The following SHISA9 variants were observed in gnomAD, a reference collection of about 807,000 sequenced individuals.
SHISA9 encodes the protein protein shisa-9.
Under a neutral mutation model 38.0 loss-of-function variants are expected in SHISA9, and 13 were observed. The observed-to-expected ratio is 0.34, with a 90% confidence interval of 0.22 to 0.54. SHISA9 has a LOEUF of 0.54. SHISA9 is among the 20% of genes least tolerant of loss of function. The pLI is 0.91. For synonymous variants in SHISA9, 275 were observed against 242.0 expected (o/e 1.14, Z -1.27); for missense variants, 538 against 575.8 (o/e 0.93, Z 0.67).
chr16:13,515,236 C>T, the SHISA9 span, among the ~76,000 whole-genome samples: 3 of 151,962 alleles, frequency 2.0e-5, no homozygotes, highest in Non-Finnish European at 4.4e-5. Context: ...AAAGAACTTT[C>T]CAGACATACA....
the SHISA9 span, among the ~76,000 whole-genome samples, chr16:13,509,632 C>A: frequency 6.6e-6 from 1 of 152,132 alleles, no homozygotes. Flanking sequence ...GTATTTTCAC[C>A]AGGAAAAACT....
chr16:13,197,737 G>A (rs1434863312), intron 2 of SHISA9: 1 of 152,236 alleles, frequency 6.6e-6, no homozygotes, highest in Non-Finnish European at 1.5e-5. Flanking sequence ...CTTATAATGG[G>A]TGGAGGGGGG....
At chr16:13,536,638 G>A in the SHISA9 span, among the ~76,000 whole-genome samples, 1 of 152,196 alleles carries the variant, frequency 6.6e-6, no homozygotes, top group South Asian at 2.1e-4. Context: ...GCTGGAAGGG[G>A]AAGAAGGTGT....
chr16:13,556,324 C>T, the SHISA9 span, among the ~76,000 whole-genome samples: 10 of 152,242 alleles, frequency 6.6e-5, no homozygotes, highest in African/African-American at 2.4e-4. Context: ...TGCCAGGATT[C>T]GTTGGAATTT....
intron 2 of SHISA9, among the ~76,000 whole-genome samples, chr16:13,004,638 G>A (rs191625316): frequency 3.0e-4 from 45 of 152,124 alleles, no homozygotes; most frequent in Admixed American, 2.4e-3. Flanking sequence ...AAAAGAAACA[G>A]GGTCTGCTAG....
chr16:13,169,889 T>C (rs1360798233), intron 2 of SHISA9, among the ~76,000 whole-genome samples: 2 of 152,184 alleles, frequency 1.3e-5, no homozygotes, highest in Admixed American at 6.5e-5. Flanking sequence ...CTTACATGCG[T>C]ATTTAAAATA....
the SHISA9 span, among the ~76,000 whole-genome samples, chr16:13,532,399 T>C: frequency 2.0e-5 from 3 of 152,066 alleles, no homozygotes; most frequent in African/African-American, 7.2e-5. Context: ...AGCATGGTGT[T>C]GAGAGCCACA....
the SHISA9 span, among the ~76,000 whole-genome samples, chr16:13,286,272 C>T: frequency 6.6e-6 from 1 of 152,156 alleles, no homozygotes; most frequent in Non-Finnish European, 1.5e-5. Context: ...GCAGGACCCC[C>T]TGAGGCTGTG....
chr16:13,296,637 T>A, the SHISA9 span, among the ~76,000 whole-genome samples: 1 of 151,784 alleles, frequency 6.6e-6, no homozygotes, highest in Non-Finnish European at 1.5e-5. Context: ...CAATACTTGC[T>A]CATTGCACTT....
At chr16:13,261,987 C>G in the SHISA9 span, among the ~76,000 whole-genome samples, 1 of 152,264 alleles carries the variant, frequency 6.6e-6, no homozygotes, top group Non-Finnish European at 1.5e-5. Flanking sequence ...GTGCAGCCTT[C>G]ATATCAATAA....
In SHISA9 at chr16:13,238,031, G is replaced by C. The variant is rs2051402470; in HGVS notation, c.*2622G>C. Reference sequence around the variant, plus strand: ...AAATAGAAAGCAAACATAAAAATAAGTACAAAGGAAACAAGCAGCGATGAT... The same window carrying C: ...AAATAGAAAGCAAACATAAAAATAACTACAAAGGAAACAAGCAGCGATGAT... On this transcript the variant is annotated 3_prime_UTR_variant, in exon 5 of 5. Transcript: ENST00000558583. The C allele has an allele frequency of 6.6e-6, 1 of 152,094 alleles. No homozygotes were observed. The highest frequency in any genetic ancestry group is 1.5e-5 in the Non-Finnish European group (1 of 68,010). The allele number at this position is 152,094 out of a possible 1,614,324, so 9.4% of individuals were successfully genotyped here.
the SHISA9 span, among the ~76,000 whole-genome samples, chr16:13,377,365 A>G: frequency 1.3e-5 from 2 of 152,156 alleles, no homozygotes; most frequent in Non-Finnish European, 2.9e-5. Context: ...CTTTTTTATC[A>G]TGTTTCCAGA....
At chr16:13,419,597 C>G in the SHISA9 span, among the ~76,000 whole-genome samples, 1 of 152,162 alleles carries the variant, frequency 6.6e-6, no homozygotes, top group Non-Finnish European at 1.5e-5. Flanking sequence ...ATTAAAAAAT[C>G]AAAAGTAGAG....
At chr16:13,550,053 G>A in the SHISA9 span, among the ~76,000 whole-genome samples, 1 of 151,234 alleles carries the variant, frequency 6.6e-6, no homozygotes, top group Non-Finnish European at 1.5e-5. Context: ...ATATATATTA[G>A]AGCTGAGAAC....
At chr16:13,173,718 C>T (rs2050708324) in intron 2 of SHISA9, among the ~76,000 whole-genome samples, 1 of 152,054 alleles carries the variant, frequency 6.6e-6, no homozygotes, top group Non-Finnish European at 1.5e-5. Flanking sequence ...CCCAAGATGT[C>T]AATTGTGCCG....
chr16:13,095,929 C>T (rs1023381721), intron 2 of SHISA9, among the ~76,000 whole-genome samples: 6 of 152,288 alleles, frequency 3.9e-5, no homozygotes. Flanking sequence ...TGGGGCAGGG[C>T]CCGAGAATTT....
chr16:13,343,693 A>G, the SHISA9 span, among the ~76,000 whole-genome samples: 1 of 152,194 alleles, frequency 6.6e-6, no homozygotes, highest in Non-Finnish European at 1.5e-5. Context: ...ATTGTAGTTC[A>G]TTATCCTAAA....
chr16:13,257,866 TA>T, the SHISA9 span, among the ~76,000 whole-genome samples: 1 of 143,408 alleles, frequency 7.0e-6, no homozygotes, highest in South Asian at 2.3e-4. Flanking sequence ...TTAAATACTT[TA>T]TTTTTTTTGG....
At chr16:12,946,853 C>A (rs1378897013) in intron 2 of SHISA9, among the ~76,000 whole-genome samples, 2 of 152,208 alleles carry the variant, frequency 1.3e-5, no homozygotes, top group African/African-American at 4.8e-5. Context: ...CAACTACAGC[C>A]CATGGGGGAA....
Sources: allele counts gnomAD v4.1 joint callset (sites outside exome capture counted in the v4.1 genomes callset), GRCh38; gene constraint gnomAD v4.1.1; transcripts MANE v1.5; gene names NCBI Gene and HGNC (gene_info 2026-07-23, HGNC 2026-07-21).